The following NELL2 variants were observed in gnomAD, a reference collection of about 807,000 sequenced individuals.
NELL2 encodes protein kinase C-binding protein NELL2.
A neutral mutation model predicts 109.6 loss-of-function variants in NELL2; 41 were observed. That is an observed-to-expected ratio of 0.37 (90% confidence interval 0.29 to 0.49). The LOEUF is 0.49. Among genes scored for constraint, NELL2 ranks in the 20% least tolerant of loss-of-function variants. The pLI is 0.98. For synonymous variants in NELL2, 355 were observed against 344.7 expected (o/e 1.03, Z -0.33); for missense variants, 900 against 1,008.3 (o/e 0.89, Z 1.45).
intron 13 of NELL2, among the ~76,000 whole-genome samples, chr12:44,622,005 T>C (rs1481742063): frequency 2.0e-5 from 3 of 152,192 alleles, no homozygotes; most frequent in African/African-American, 7.2e-5. Flanking sequence ...ATAATCAGTA[T>C]ACTTCTTGAG....
rs534334367 is a variant in NELL2, at chr12:44,641,858, G to A, written c.1444+23626C>T. 9.1e-4 allele frequency among the ~76,000 whole-genome samples: 138 copies of A among 151,914 alleles called. 1 individual carries two copies. Among genetic ancestry groups the A allele is most frequent in the African/African-American group, 2.5e-3 (105 of 41,448 alleles). Reference sequence around the variant, plus strand: ...ACTACAGGCACATGCTGCCATGCCCGGCTAACGTTTTGCATGTTAGTAGAG... The same window carrying A: ...ACTACAGGCACATGCTGCCATGCCCAGCTAACGTTTTGCATGTTAGTAGAG... On this transcript the variant is annotated intron_variant, in intron 13 of 19. Transcript: ENST00000429094.
intron 2 of NELL2, among the ~76,000 whole-genome samples, chr12:44,874,122 T>C (rs995760965): frequency 1.3e-5 from 2 of 152,198 alleles, no homozygotes; most frequent in African/African-American, 4.8e-5. Context: ...ACAACACCAC[T>C]ACAGAAACAC....
intron 13 of NELL2, among the ~76,000 whole-genome samples, chr12:44,613,960 T>G (rs1368166465): frequency 1.3e-5 from 2 of 151,984 alleles, no homozygotes; most frequent in African/African-American, 4.8e-5. Context: ...TAAGTAAAAT[T>G]AAATAGAATA....
At chr12:44,529,298 A>G (rs937070791) in intron 16 of NELL2, among the ~76,000 whole-genome samples, 1 of 152,168 alleles carries the variant, frequency 6.6e-6, no homozygotes, top group African/African-American at 2.4e-5. Context: ...AAAAGAAGGA[A>G]GGAAACAATG....
intron 9 of NELL2, among the ~76,000 whole-genome samples, chr12:44,762,758 T>C (rs970160489): frequency 6.6e-6 from 1 of 152,192 alleles, no homozygotes; most frequent in Non-Finnish European, 1.5e-5. Context: ...AACTCCAACA[T>C]CTTTTTCTCA....
intron 19 of NELL2, among the ~76,000 whole-genome samples, chr12:44,517,076 G>A (rs1010440431): frequency 2.7e-5 from 4 of 150,452 alleles, no homozygotes; most frequent in African/African-American, 9.8e-5. Flanking sequence ...TTTCCATGTG[G>A]AATTTGTTTT....
At chr12:44,557,716 A>C (rs2136176134) in intron 15 of NELL2, among the ~76,000 whole-genome samples, 1 of 152,278 alleles carries the variant, frequency 6.6e-6, no homozygotes, top group South Asian at 2.1e-4. Context: ...ACCAAGTGCA[A>C]ATTTGGTATT....
At chr12:44,745,366 A>G (rs1329412831) in intron 9 of NELL2, among the ~76,000 whole-genome samples, 1 of 152,170 alleles carries the variant, frequency 6.6e-6, no homozygotes, top group East Asian at 1.9e-4. Context: ...CAAAAACTGG[A>G]AGCATTCCCT....
At chr12:44,852,013 A>G (rs1944549017) in intron 2 of NELL2, among the ~76,000 whole-genome samples, 1 of 152,186 alleles carries the variant, frequency 6.6e-6, no homozygotes, top group Non-Finnish European at 1.5e-5. Flanking sequence ...TCTCTGCAAA[A>G]AAAACACAAA....
At chr12:44,561,661 A>C (rs1382508957) in intron 15 of NELL2, among the ~76,000 whole-genome samples, 1 of 152,228 alleles carries the variant, frequency 6.6e-6, no homozygotes, top group Non-Finnish European at 1.5e-5. Context: ...TGCTCAAGGA[A>C]ATAAGAGAGG....
At chr12:44,751,406 T>C (rs1384329107) in intron 9 of NELL2, among the ~76,000 whole-genome samples, 1 of 152,190 alleles carries the variant, frequency 6.6e-6, no homozygotes, top group Non-Finnish European at 1.5e-5. Context: ...TTCACATATA[T>C]TTAATTGGAA....
At chr12:44,543,216 C>G (rs548353806) in intron 15 of NELL2, among the ~76,000 whole-genome samples, 33 of 152,020 alleles carry the variant, frequency 2.2e-4, no homozygotes, top group African/African-American at 8.0e-4. Context: ...ATGGCAATAC[C>G]ATCAGTTACT....
upstream of NELL2, chr12:44,876,496 C>T: frequency 2.9e-6 from 4 of 1,364,110 alleles, no homozygotes. Flanking sequence ...GCCGTTGCAG[C>T]CTCAGCTCTT....
intron 1 of NELL2, among the ~76,000 whole-genome samples, chr12:44,899,103 A>AT (rs1236331224): frequency 6.6e-6 from 1 of 152,196 alleles, no homozygotes; most frequent in Non-Finnish European, 1.5e-5. Context: ...TCCAGGAAAT[A>AT]TGGGACTATG....
chr12:44,518,275 C>T (rs1226835490), intron 19 of NELL2, among the ~76,000 whole-genome samples: 4 of 149,458 alleles, frequency 2.7e-5, no homozygotes, highest in East Asian at 2.0e-4. Flanking sequence ...GATGGAGTCT[C>T]GCTCTGTTGC....
intron 2 of NELL2, among the ~76,000 whole-genome samples, chr12:44,833,106 A>G (rs1943935908): frequency 6.6e-6 from 1 of 152,206 alleles, no homozygotes; most frequent in South Asian, 2.1e-4. Context: ...GAGTTGGCCT[A>G]CACAGAACGT....
At position 44,876,051 on chromosome 12, in the gene NELL2, G is replaced by C. The variant is rs1275181679; in HGVS notation, c.-182C>G. 1 of 1,465,470 alleles carries C rather than the reference G, an allele frequency of 6.8e-7. No homozygotes were observed. The highest frequency in any genetic ancestry group is 1.4e-5 in the African/African-American group (1 of 70,614). The allele number at this position is 1,465,470 out of a possible 1,614,324, so 90.8% of individuals were successfully genotyped here. On this transcript the variant is annotated 5_prime_UTR_variant, in exon 1 of 20. Coordinates refer to ENST00000429094, the MANE Select transcript of NELL2 (RefSeq NM_001145108.2). ...AGAAAAGGGAGGCCTCCCCAGGCGCGTGAAGAACTTAGACCCTCCAATGCG... is the reference window on the plus strand; with the variant it reads ...AGAAAAGGGAGGCCTCCCCAGGCGCCTGAAGAACTTAGACCCTCCAATGCG...
intron 13 of NELL2, among the ~76,000 whole-genome samples, chr12:44,631,054 C>T (rs372792526): frequency 6.6e-6 from 1 of 151,826 alleles, no homozygotes; most frequent in East Asian, 1.9e-4. Flanking sequence ...TGGAACCATC[C>T]TCATTGAATT....
chr12:44,907,710 G>GT lies in NELL2; in HGVS notation c.38+6088dup, dbSNP rs540691628. On this transcript the variant is annotated intron_variant, in intron 1 of 20. Coordinates refer to the NELL2 transcript ENST00000333837. ...AGTAGGATCAAATGAAGTTGTCTTTGTTTTTTTGTTTTAAAATGAAAGATA... is the reference window on the plus strand; with the variant it reads ...AGTAGGATCAAATGAAGTTGTCTTTGTTTTTTTTGTTTTAAAATGAAAGATA... Among the ~76,000 whole-genome samples, 48 of 152,116 alleles carry GT rather than the reference G, an allele frequency of 3.2e-4. 1 individual carries two copies. The East Asian group carries it at 8.5e-3, about 27-fold the overall frequency.
Sources: allele counts gnomAD v4.1 joint callset (sites outside exome capture counted in the v4.1 genomes callset), GRCh38; gene constraint gnomAD v4.1.1; transcripts MANE v1.5; gene names NCBI Gene and HGNC (gene_info 2026-07-23, HGNC 2026-07-21).